RBFOX3: variants seen among roughly 807,000 people sequenced by gnomAD.
RBFOX3 encodes the protein RNA binding protein fox-1 homolog 3.
RBFOX3 carries 17 observed loss-of-function variants against 48.7 expected under a neutral mutation model. The ratio of observed to expected loss-of-function variants is 0.35; its 90% CI spans 0.24 to 0.52. The LOEUF is 0.52. RBFOX3 is among the 20% of genes least tolerant of loss of function. RBFOX3 has a pLI of 0.94. For synonymous variants in RBFOX3, 212 were observed against 209.5 expected (o/e 1.01, Z -0.10); for missense variants, 382 against 497.5 (o/e 0.77, Z 2.21).
the RBFOX3 span, among the ~76,000 whole-genome samples, chr17:79,630,202 C>T: frequency 3.9e-5 from 6 of 152,182 alleles, no homozygotes; most frequent in Non-Finnish European, 5.9e-5. Flanking sequence ...AGGGTTTCCA[C>T]GATGCTCGAG....
chr17:79,115,799 G>T, intron 4 of RBFOX3, 51 bp from the exon 5 acceptor site: 1 of 604,360 alleles, frequency 1.7e-6, no homozygotes, highest in Non-Finnish European at 2.9e-6. Flanking sequence ...CCCCTTCCCG[G>T]AGCCCCTGAG....
At chr17:79,465,309 A>G (rs1555752941) in intron 2 of RBFOX3, among the ~76,000 whole-genome samples, 3 of 152,202 alleles carry the variant, frequency 2.0e-5, no homozygotes, top group Non-Finnish European at 4.4e-5. Flanking sequence ...AATAAACAGC[A>G]TGAACTATTT....
intron 2 of RBFOX3, among the ~76,000 whole-genome samples, chr17:79,416,905 C>A (rs971118335): frequency 2.0e-5 from 3 of 152,248 alleles, no homozygotes; most frequent in Non-Finnish European, 2.9e-5. Context: ...GCTGGCTGCA[C>A]CTGGCTGGCA....
chr17:79,483,249 G>A (rs2079022046), intron 1 of RBFOX3, among the ~76,000 whole-genome samples: 2 of 151,936 alleles, frequency 1.3e-5, no homozygotes, highest in South Asian at 2.1e-4. Context: ...ACAGCTTCAC[G>A]GTCAACCCCC....
intron 4 of RBFOX3, among the ~76,000 whole-genome samples, chr17:79,145,711 C>T (rs961558079): frequency 4.6e-5 from 7 of 152,220 alleles, no homozygotes; most frequent in African/African-American, 9.6e-5. Flanking sequence ...GCAAGGCGTT[C>T]GGCAAAGTGA....
intron 3 of RBFOX3, among the ~76,000 whole-genome samples, chr17:79,245,243 T>C (rs1003663746): frequency 6.6e-6 from 1 of 152,086 alleles, no homozygotes; most frequent in South Asian, 2.1e-4. Flanking sequence ...CGGCTCATTT[T>C]TGGGTTTCAC....
chr17:79,605,346 A>C (rs2093802903), intron 1 of RBFOX3, among the ~76,000 whole-genome samples: 2 of 152,168 alleles, frequency 1.3e-5, no homozygotes, highest in Admixed American at 6.5e-5. Context: ...GCAGCTTTCT[A>C]TGCTCAGGCA....
At chr17:79,505,856 G>C (rs1555778602) in intron 1 of RBFOX3, among the ~76,000 whole-genome samples, 1 of 152,220 alleles carries the variant, frequency 6.6e-6, no homozygotes, top group African/African-American at 2.4e-5. Flanking sequence ...TGAATGCATA[G>C]CCTGCATATT....
chr17:79,345,889 A>C (rs1405269258), intron 2 of RBFOX3, among the ~76,000 whole-genome samples: 1 of 152,014 alleles, frequency 6.6e-6, no homozygotes. Flanking sequence ...TGTCTTGTTT[A>C]AGACATTTTC....
At chr17:79,149,568 G>T (rs1290416335) in intron 4 of RBFOX3, among the ~76,000 whole-genome samples, 1 of 152,074 alleles carries the variant, frequency 6.6e-6, no homozygotes, top group Non-Finnish European at 1.5e-5. Context: ...GTGTGCCTGG[G>T]GGGGTCCGTG....
At chr17:79,441,680 A>G (rs529549460) in intron 2 of RBFOX3, among the ~76,000 whole-genome samples, 147 of 152,180 alleles carry the variant, frequency 9.7e-4, no homozygotes, top group East Asian at 6.6e-3. Context: ...TAAGCCCCCT[A>G]GTGTGCGGTC....
At chr17:79,405,776 C>G (rs1037853991) in intron 2 of RBFOX3, among the ~76,000 whole-genome samples, 1 of 152,236 alleles carries the variant, frequency 6.6e-6, no homozygotes, top group African/African-American at 2.4e-5. Flanking sequence ...ATGCACACAG[C>G]TGCACAACTC....
intron 2 of RBFOX3, among the ~76,000 whole-genome samples, chr17:79,424,827 G>A (rs141832845): frequency 1.8e-4 from 28 of 152,024 alleles, no homozygotes; most frequent in Non-Finnish European, 3.7e-4. Context: ...CCCCTGACTC[G>A]CCCCATCTCT....
chr17:79,662,132 C>CTTTTTTTTTTTTTTTTCTTTTTTTTTTTT, the RBFOX3 span, among the ~76,000 whole-genome samples: 1 of 96,856 alleles, frequency 1.0e-5, no homozygotes, highest in African/African-American at 3.9e-5. Flanking sequence ...CCTGTTTATT[C>CTTTTTTTTTTTTTTTTCTTTTTTTTTTTT]TTTTTTTTTT....
the RBFOX3 span, among the ~76,000 whole-genome samples, chr17:79,653,549 C>T: frequency 6.6e-6 from 1 of 152,018 alleles, no homozygotes; most frequent in African/African-American, 2.4e-5. Context: ...GATAAAAACC[C>T]GATCTACCAT....
intron 1 of RBFOX3, among the ~76,000 whole-genome samples, chr17:79,584,531 T>C (rs2093176901): frequency 6.7e-6 from 1 of 149,706 alleles, no homozygotes; most frequent in Non-Finnish European, 1.5e-5. Context: ...GAAAATGTTA[T>C]ATATACATAT....
intron 4 of RBFOX3, among the ~76,000 whole-genome samples, chr17:79,128,490 C>T (rs954583082): frequency 6.6e-6 from 1 of 152,166 alleles, no homozygotes; most frequent in Non-Finnish European, 1.5e-5. Context: ...CTCTCTCTCC[C>T]GCACCAGGTT....
At chr17:79,628,681 CT>C in the RBFOX3 span, among the ~76,000 whole-genome samples, 1 of 152,186 alleles carries the variant, frequency 6.6e-6, no homozygotes, top group Non-Finnish European at 1.5e-5. Context: ...AAGGAAAGAC[CT>C]TACCCATGAG....
chr17:79,510,106 G>C (rs1034982893), intron 1 of RBFOX3, among the ~76,000 whole-genome samples: 1 of 152,116 alleles, frequency 6.6e-6, no homozygotes, highest in South Asian at 2.1e-4. Flanking sequence ...CCAACAGCCC[G>C]GCCCACCCAC....
Sources: allele counts gnomAD v4.1 joint callset (sites outside exome capture counted in the v4.1 genomes callset), GRCh38; gene constraint gnomAD v4.1.1; transcripts MANE v1.5; gene names NCBI Gene and HGNC (gene_info 2026-07-23, HGNC 2026-07-21).